The following SLC16A12 variants were observed in gnomAD, a reference collection of about 807,000 sequenced individuals.
The protein encoded by SLC16A12 is solute carrier family 16 member 12.
In SLC16A12, 17 loss-of-function variants were observed where a neutral mutation model predicts 42.4. That is an observed-to-expected ratio of 0.40 (90% CI 0.27 to 0.60). The LOEUF (loss-of-function observed/expected upper bound fraction) is 0.60, where lower values mean the gene tolerates loss of function less well. Among genes scored for constraint, SLC16A12 ranks in the 20% least tolerant of loss-of-function variants. The pLI is 0.42. For missense variants in SLC16A12, 544 were observed against 623.0 expected, an observed-to-expected ratio of 0.87 and a Z score of 1.35; for synonymous variants, 224 against 229.4, an observed-to-expected ratio of 0.98 and a Z score of 0.21.
intron 2 of SLC16A12, among the ~76,000 whole-genome samples, chr10:89,543,523 T>G (rs1843727502): frequency 6.6e-6 from 1 of 152,202 alleles, no homozygotes; most frequent in Non-Finnish European, 1.5e-5. Context: ...TAATTGAGAT[T>G]TGTACTTATA....
intron 3 of SLC16A12, among the ~76,000 whole-genome samples, chr10:89,444,979 T>C (rs1841975471): frequency 6.6e-6 from 1 of 152,248 alleles, no homozygotes; most frequent in South Asian, 2.1e-4. Flanking sequence ...CCTACGCCCA[T>C]GGAGCCTTGC....
chr10:89,462,928 G>A (rs944306846), intron 2 of SLC16A12: 1 of 219,562 alleles, frequency 4.6e-6, no homozygotes, highest in Non-Finnish European at 9.0e-6. Flanking sequence ...GTGAGCAGAA[G>A]TCATGTGTGC....
chr10:89,488,262 T>A (rs1213370656), intron 2 of SLC16A12, among the ~76,000 whole-genome samples: 1 of 151,876 alleles, frequency 6.6e-6, no homozygotes, highest in Non-Finnish European at 1.5e-5. Context: ...ATCAAAAAAA[T>A]CCCTTAATCA....
At chr10:89,546,980 C>T (rs1312761743) in intron 2 of SLC16A12, among the ~76,000 whole-genome samples, 1 of 152,148 alleles carries the variant, frequency 6.6e-6, no homozygotes, top group African/African-American at 2.4e-5. Context: ...GGAAGTTGAA[C>T]AGTGAGAACA....
chr10:89,448,886 G>A (rs972023986), intron 3 of SLC16A12, among the ~76,000 whole-genome samples: 1 of 152,178 alleles, frequency 6.6e-6, no homozygotes, highest in African/African-American at 2.4e-5. Context: ...AGCTCCTTAA[G>A]CTGATAAGCA....
chr10:89,489,200 C>T (rs1204504330), intron 2 of SLC16A12, among the ~76,000 whole-genome samples: 2 of 152,068 alleles, frequency 1.3e-5, no homozygotes, highest in South Asian at 2.1e-4. Flanking sequence ...CCAATTTGGT[C>T]GTGAATATCA....
intron 2 of SLC16A12, among the ~76,000 whole-genome samples, chr10:89,532,238 C>T (rs763116525): frequency 3.3e-5 from 5 of 152,008 alleles, no homozygotes; most frequent in South Asian, 2.1e-4. Flanking sequence ...CGTCAATGCG[C>T]GGTAAATGAA....
chr10:89,456,406 G>C (rs1191257534), intron 3 of SLC16A12, among the ~76,000 whole-genome samples: 1 of 152,126 alleles, frequency 6.6e-6, no homozygotes, highest in Non-Finnish European at 1.5e-5. Context: ...CAGACCTGGA[G>C]GGGGACAGGG....
At position 89,431,521 on chromosome 10, in the gene SLC16A12, G is replaced by A. The variant is rs1317287449; in HGVS notation, c.*1543C>T. On this transcript the variant is annotated 3_prime_UTR_variant, in exon 8 of 8. Transcript: ENST00000371790. The stretch of plus-strand genomic sequence containing the variant: ...AGGTATAGGCAAGCTCTCTTGCGGA[G>A]CATACACATTAACTCAGGATCATCC... The A allele has an allele frequency of 1.3e-5, 2 of 152,190 alleles. No homozygotes were observed. The highest frequency in any genetic ancestry group is 2.9e-5 in the Non-Finnish European group (2 of 68,036). The allele number at this position is 152,190 out of a possible 1,614,324, so 9.4% of individuals were successfully genotyped here. A position where few individuals can be genotyped will look rare whatever the true frequency, so the allele number is the denominator to read the frequency against.
chr10:89,479,124 C>T (rs548274538), intron 2 of SLC16A12, among the ~76,000 whole-genome samples: 6 of 152,292 alleles, frequency 3.9e-5, no homozygotes, highest in South Asian at 2.1e-4. Context: ...GCAGGATAGC[C>T]GCATGTTTAG....
At chr10:89,513,353 C>T (rs934359245) in intron 2 of SLC16A12, among the ~76,000 whole-genome samples, 3 of 152,130 alleles carry the variant, frequency 2.0e-5, no homozygotes, top group South Asian at 2.1e-4. Flanking sequence ...TGGACAGTTA[C>T]GTTGTCTCTG....
At chr10:89,451,016 G>T (rs1408761985) in intron 3 of SLC16A12, among the ~76,000 whole-genome samples, 1 of 152,178 alleles carries the variant, frequency 6.6e-6, no homozygotes, top group Non-Finnish European at 1.5e-5. Flanking sequence ...GCAATAGTTT[G>T]CATCACTGTG....
chr10:89,509,873 G>A (rs765340996), intron 2 of SLC16A12, among the ~76,000 whole-genome samples: 30 of 152,188 alleles, frequency 2.0e-4, no homozygotes, highest in Non-Finnish European at 4.1e-4. Flanking sequence ...TCCTTAAGCT[G>A]ATAAGCAACT....
chr10:89,434,554 C>T (rs769621236), intron 7 of SLC16A12, among the ~76,000 whole-genome samples: 2 of 152,122 alleles, frequency 1.3e-5, no homozygotes, highest in African/African-American at 2.4e-5. Flanking sequence ...ACCACTCAAG[C>T]GGCCACAATT....
chr10:89,540,813 G>A lies in SLC16A12; in HGVS notation c.-47+15069C>T, dbSNP rs1843710390. 1.3e-5 allele frequency among the ~76,000 whole-genome samples: 2 copies of A among 151,908 alleles called. 1 individual carries two copies. Among genetic ancestry groups the A allele is most frequent in the Admixed American group, 1.3e-4 (2 of 15,262 alleles). On this transcript the variant is annotated intron_variant, in intron 2 of 2. Transcript: ENST00000475682. ...TCATTTTAACCCATTTATCTTTCTG[G>A]AGTCATGGTATAACTGAAAGGCATT...
rs940603296 is a variant in SLC16A12, at chr10:89,497,189, G to A, written c.-46-34565C>T. Among the ~76,000 whole-genome samples, 3 of 152,248 alleles carry A rather than the reference G, an allele frequency of 2.0e-5. No individual in the cohort carries two copies. In the South Asian group the frequency reaches 6.2e-4, roughly 32 times the overall value. On this transcript the variant is annotated intron_variant, in intron 2 of 7. Transcript: ENST00000371790. ...ATATGGGGGCAGACACAGAGTATAC[G>A]GGAACTCTGTACTTTCTGTTTGTAA...
At chr10:89,477,887 G>A (rs1053577318) in intron 2 of SLC16A12, among the ~76,000 whole-genome samples, 35 of 7,658 alleles carry the variant, frequency 4.6e-3, no homozygotes, top group Admixed American at 0.012. Flanking sequence ...CCCCCACCCC[G>A]ATGAAGTCCC....
intron 2 of SLC16A12, among the ~76,000 whole-genome samples, chr10:89,516,378 G>A (rs1436352698): frequency 6.6e-6 from 1 of 152,070 alleles, no homozygotes; most frequent in African/African-American, 2.4e-5. Flanking sequence ...TGCAACCTCT[G>A]GTTTAAATGC....
At chr10:89,456,160 C>T (rs1289929010) in intron 3 of SLC16A12, 3 of 152,236 alleles carry the variant, frequency 2.0e-5, no homozygotes, top group Non-Finnish European at 4.4e-5. Flanking sequence ...AACCATGGGA[C>T]CTTGGACATG....
Sources: gnomAD v4.1 joint callset for allele counts (sites outside exome capture counted in the v4.1 genomes callset) on GRCh38, gnomAD v4.1.1 for gene constraint, MANE v1.5 for transcripts, NCBI Gene and HGNC (gene_info 2026-07-23, HGNC 2026-07-21) for gene names.